The following LYPD6B variants were observed in gnomAD, a reference collection of about 807,000 sequenced individuals.
LYPD6B encodes the protein ly6/PLAUR domain-containing protein 6B.
A neutral mutation model predicts 22.8 loss-of-function variants in LYPD6B; 17 were observed. That is an observed-to-expected ratio of 0.75 (90% confidence interval 0.51 to 1.12). LYPD6B has a LOEUF of 1.12. LYPD6B is among the 50% of genes most tolerant of loss of function. The pLI is 0.00. For synonymous variants in LYPD6B, 106 were observed against 91.6 expected, an observed-to-expected ratio of 1.16 and a Z score of -0.90; for missense variants, 221 against 258.3, an observed-to-expected ratio of 0.86 and a Z score of 0.99.
chr2:149,052,704 A>AT (rs2105290761), intron 1 of LYPD6B, among the ~76,000 whole-genome samples: 1 of 152,302 alleles, frequency 6.6e-6, no homozygotes, highest in East Asian at 1.9e-4. Context: ...GACTTGCTCA[A>AT]TTTGCAGCAT....
At chr2:149,038,980 G>A (rs1682936380) in intron 1 of LYPD6B, among the ~76,000 whole-genome samples, 179 bp downstream of exon 1, 1 of 150,966 alleles carries the variant, frequency 6.6e-6, no homozygotes, top group South Asian at 2.1e-4. Context: ...GGGCCGCGGC[G>A]CAGTGGCGGG....
chr2:149,041,920 T>A lies in LYPD6B; in HGVS notation c.-67+3119T>A, dbSNP rs913442230. On this transcript the variant is annotated intron_variant, in intron 1 of 6. Transcript: ENST00000409642. ...GTAATAGCAACAGTGGCTCACTCTA[T>A]GGTGGCAATTCTCAAGGGGTGGATT... is the stretch of plus-strand genomic sequence containing the variant. Among the ~76,000 whole-genome samples the A allele has an allele frequency of 1.1e-4, 16 of 152,304 alleles. No individual in the cohort carries two copies. The East Asian group carries it at 3.1e-3, about 29-fold the overall frequency.
chr2:149,212,695 C>T (rs1693951093), intron 5 of LYPD6B, among the ~76,000 whole-genome samples: 1 of 152,166 alleles, frequency 6.6e-6, no homozygotes, highest in Non-Finnish European at 1.5e-5. Flanking sequence ...ATCAAATGAG[C>T]AGACCCATGT....
Position 149,175,166 on chromosome 2 carries a change from G to A in LYPD6B, c.77+14331G>A, listed in dbSNP as rs551248416. Among the ~76,000 whole-genome samples the A allele has an allele frequency of 2.0e-5, 3 of 151,616 alleles. No homozygotes were observed. In the South Asian group the frequency reaches 6.2e-4, roughly 32 times the overall value. The stretch of plus-strand genomic sequence containing the variant: ...ATTTCATCATTGTGCAAACATCATA[G>A]AGTGCACTCACACAAACCTAGATGG... On this transcript the variant is annotated intron_variant, in intron 3 of 6. Transcript: ENST00000409642.
intron 2 of LYPD6B, among the ~76,000 whole-genome samples, chr2:149,159,547 T>C (rs1689912929): frequency 6.6e-6 from 1 of 151,872 alleles, no homozygotes; most frequent in Admixed American, 6.6e-5. Context: ...TAGTACTAAT[T>C]AGGGTTCTTC....
At chr2:149,185,384 C>CTGATTAGAG (rs1692028745) in intron 3 of LYPD6B, among the ~76,000 whole-genome samples, 1 of 152,174 alleles carries the variant, frequency 6.6e-6, no homozygotes, top group Non-Finnish European at 1.5e-5. Flanking sequence ...GAACCTATCC[C>CTGATTAGAG]TGATTAGAGT....
chr2:149,107,019 C>T (rs868283880), intron 1 of LYPD6B, among the ~76,000 whole-genome samples: 7 of 152,038 alleles, frequency 4.6e-5, no homozygotes, highest in East Asian at 3.9e-4. Flanking sequence ...ATTATACATA[C>T]GCACCTATGA....
intron 2 of LYPD6B, among the ~76,000 whole-genome samples, chr2:149,137,535 A>G (rs1191375990): frequency 6.6e-6 from 1 of 152,238 alleles, no homozygotes; most frequent in African/African-American, 2.4e-5. Flanking sequence ...ATTCAACAAG[A>G]GCAGAGATTT....
intron 1 of LYPD6B, among the ~76,000 whole-genome samples, chr2:149,079,332 T>A (rs1300121814): frequency 6.6e-6 from 1 of 152,250 alleles, no homozygotes; most frequent in African/African-American, 2.4e-5. Context: ...GATGTTACTA[T>A]GTTTAATGTA....
chr2:149,078,646 T>C (rs1684983067), intron 1 of LYPD6B, among the ~76,000 whole-genome samples: 1 of 152,192 alleles, frequency 6.6e-6, no homozygotes, highest in Non-Finnish European at 1.5e-5. Flanking sequence ...TGTCACTGAA[T>C]TTTCACTTTT....
chr2:149,120,383 A>ATATATATATATATATATT (rs1327065975), intron 1 of LYPD6B, among the ~76,000 whole-genome samples: 1 of 48,618 alleles, frequency 2.1e-5, no homozygotes, highest in African/African-American at 1.1e-4. Flanking sequence ...ATATATATAT[A>ATATATATATATATATATT]TTTTTTTTTT....
chr2:149,175,233 C>A (rs1691210667), intron 3 of LYPD6B, among the ~76,000 whole-genome samples: 1 of 152,054 alleles, frequency 6.6e-6, no homozygotes, highest in African/African-American at 2.4e-5. Flanking sequence ...ATAGCCTATT[C>A]CTCCTAGGGC....
intron 1 of LYPD6B, among the ~76,000 whole-genome samples, chr2:149,114,329 T>G (rs1185230550): frequency 6.6e-6 from 1 of 152,220 alleles, no homozygotes; most frequent in East Asian, 1.9e-4. Flanking sequence ...GATATACATT[T>G]CTTTTGGAAA....
At chr2:149,161,168 T>TG (rs1690042147) in intron 3 of LYPD6B, among the ~76,000 whole-genome samples, 1 of 152,110 alleles carries the variant, frequency 6.6e-6, no homozygotes, top group Non-Finnish European at 1.5e-5. Context: ...CAGTGACAGA[T>TG]GGGGGTGCGT....
chr2:149,145,646 C>A (rs915738877), intron 2 of LYPD6B, among the ~76,000 whole-genome samples: 3 of 152,148 alleles, frequency 2.0e-5, no homozygotes, highest in African/African-American at 4.8e-5. Context: ...AGCCTCCCTC[C>A]CTTCTCCCTT....
At chr2:149,151,915 C>T (rs1267185131) in intron 2 of LYPD6B, among the ~76,000 whole-genome samples, 1 of 152,134 alleles carries the variant, frequency 6.6e-6, no homozygotes, top group Admixed American at 6.5e-5. Flanking sequence ...CAGATGCTGG[C>T]CTCACTTTCT....
rs532500907 is a variant in LYPD6B, at chr2:149,105,054, C to A, written c.-66-25829C>A. Among the ~76,000 whole-genome samples, 12 of 152,236 alleles carry A rather than the reference C, an allele frequency of 7.9e-5. No homozygotes were observed. In the East Asian group the frequency reaches 2.1e-3, roughly 27 times the overall value. On this transcript the variant is annotated intron_variant, in intron 1 of 6. Transcript: ENST00000409642. ...ACAATTATCATTCCTCTGAATGGTT[C>A]AACTTTTTGTGAATATACATCCAAT...
intron 1 of LYPD6B, among the ~76,000 whole-genome samples, chr2:149,120,029 T>G (rs538938683): frequency 1.8e-4 from 28 of 152,178 alleles, no homozygotes; most frequent in African/African-American, 6.7e-4. Flanking sequence ...GAATGGAGAC[T>G]GAAGTTAAAT....
intron 2 of LYPD6B, among the ~76,000 whole-genome samples, chr2:149,148,862 A>G (rs73965807): frequency 0.013 from 2,044 of 152,286 alleles, 40 homozygotes; most frequent in African/African-American, 0.047. Flanking sequence ...CAGTGGACGA[A>G]CAAGTGTTTT....
Sources: gnomAD v4.1 joint callset for allele counts (sites outside exome capture counted in the v4.1 genomes callset) on GRCh38, gnomAD v4.1.1 for gene constraint, MANE v1.5 for transcripts, NCBI Gene and HGNC (gene_info 2026-07-23, HGNC 2026-07-21) for gene names.